Variants in CACYBP observed in about 807,000 individuals in gnomAD.
The protein encoded by CACYBP is calcyclin-binding protein.
CACYBP carries 11 observed loss-of-function variants against 29.6 expected under a neutral mutation model. The observed-to-expected ratio is 0.37, with a 90% CI of 0.23 to 0.61. The LOEUF (loss-of-function observed/expected upper bound fraction) is 0.61. Ranked by LOEUF, CACYBP falls within the 20% of genes least tolerant of loss-of-function variation. The pLI, the probability that CACYBP is intolerant of heterozygous loss-of-function variation, is 0.65. For synonymous variants in CACYBP, 73 were observed against 88.3 expected (o/e 0.83, Z 0.97); for missense variants, 163 against 260.7 (o/e 0.63, Z 2.58).
intron 5 of CACYBP, 96 bp from the exon 6 acceptor site, chr1:175,009,827 C>T: frequency 1.1e-6 from 1 of 903,316 alleles, no homozygotes; most frequent in African/African-American, 1.7e-5. Flanking sequence ...TGTCTTCCTT[C>T]TTATCCCTCT....
At chr1:175,009,747 T>C (rs1672703862) in intron 5 of CACYBP, among the ~76,000 whole-genome samples, 176 bp from the exon 6 acceptor site, 1 of 151,914 alleles carries the variant, frequency 6.6e-6, no homozygotes, top group Non-Finnish European at 1.5e-5. Flanking sequence ...GCATGCTTGA[T>C]ACGTGTGTGT....
chr1:175,004,542 A>G, intron 1 of CACYBP, 72 bp from the exon 2 acceptor site: 1 of 895,042 alleles, frequency 1.1e-6, no homozygotes, highest in Non-Finnish European at 1.7e-6. Context: ...AGTAAGTTGA[A>G]ATGAGTGATA....
In CACYBP at chr1:175,006,119, ATT is replaced by A. The variant is rs1672615141; in HGVS notation, c.236-624_236-623del. 3.9e-5 allele frequency among the ~76,000 whole-genome samples: 6 copies of A among 152,266 alleles called. No homozygotes were observed. In the South Asian group the frequency reaches 8.3e-4, roughly 21 times the overall value. ...CAAATGTGATGGTATTTTGTGAAGTATTTATATATATGTCTTTTATGTTGACA... is the reference window on the plus strand; with the variant it reads ...CAAATGTGATGGTATTTTGTGAAGTATATATATATGTCTTTTATGTTGACA... On this transcript the variant is annotated intron_variant, in intron 2 of 5. Transcript: ENST00000367679.
intron 5 of CACYBP, 59 bp from the exon 6 acceptor site, chr1:175,009,864 A>AT: frequency 7.3e-7 from 1 of 1,378,676 alleles, no homozygotes. Flanking sequence ...AACAACCTGA[A>AT]TGATAGTATC....
chr1:175,000,703 T>C, intron 1 of CACYBP: 1 of 678,302 alleles, frequency 1.5e-6, no homozygotes, highest in South Asian at 6.3e-5. Flanking sequence ...TGTGTCGCAG[T>C]AGCATCCATT....
chr1:175,009,106 T>TA (rs1672685478), intron 5 of CACYBP, among the ~76,000 whole-genome samples: 1 of 152,232 alleles, frequency 6.6e-6, no homozygotes, highest in Non-Finnish European at 1.5e-5. Flanking sequence ...TATTCAATGA[T>TA]ACTTGCGTTC....
intron 1 of CACYBP, 42 bp downstream of exon 1, chr1:175,000,237 A>G: frequency 2.5e-6 from 4 of 1,577,836 alleles, no homozygotes; most frequent in Non-Finnish European, 3.4e-6. Context: ...CCCCGGCTGG[A>G]GCTGCAGCGC....
In CACYBP at chr1:175,006,731, G is replaced by T. The variant is rs1302808125; in HGVS notation, c.236-14G>T. On this transcript the variant is annotated splice_polypyrimidine_tract_variant and intron_variant, in intron 2 of 5. Transcript: ENST00000367679. ...GAGGCTTACTTACGTCCCATCTTTT[G>T]TTGTCGTTGCCAGGATGGGATCAGT... 1 of 1,441,332 alleles carries T rather than the reference G, an allele frequency of 6.9e-7. No individual in the cohort carries two copies. Among genetic ancestry groups the T allele is most frequent in the Non-Finnish European group, 9.8e-7 (1 of 1,025,278 alleles). The allele number at this position is 1,441,332 out of a possible 1,614,324, so 89.3% of individuals were successfully genotyped here. A position where few individuals can be genotyped will look rare whatever the true frequency, so the allele number is the denominator to read the frequency against.
At position 175,010,108 on chromosome 1, in the gene CACYBP, T is replaced by C. The variant is rs1480287903; in HGVS notation, c.*29T>C. On this transcript the variant is annotated 3_prime_UTR_variant, in exon 6 of 6. Transcript: ENST00000367679. ...TTTAAAGTCGTTTTGGGAACTGTGA[T>C]GTGATGTGGAAATACTGATGTTTCC... 1.3e-6 allele frequency: 2 copies of C among 1,599,638 alleles called. No homozygotes were observed. Among genetic ancestry groups the C allele is most frequent in the Non-Finnish European group, 1.7e-6 (2 of 1,170,492 alleles).
chr1:175,000,185 C>T lies in CACYBP; in HGVS notation c.5C>T (p.Ala2Val). The T allele has an allele frequency of 6.2e-7, 1 of 1,608,704 alleles. No individual in the cohort carries two copies. Among genetic ancestry groups the T allele is most frequent in the Non-Finnish European group, 8.5e-7 (1 of 1,177,558 alleles). The change falls in exon 1 of 6, where the codon GCT (alanine) becomes GTT (valine). Residue 2 changes from alanine (A) to valine (V), a missense_variant. Ala to Val is a moderately conservative substitution (Grantham distance 64). Transcript: ENST00000367679. M[A>V]SEELQKDLEE... ...CTTCGGCCTGACCCAGCCCCCATGG[C>T]TTCAGAAGAGGTAAGTGGTCCGGCC... is the stretch of plus-strand genomic sequence containing the variant.
At chr1:175,003,933 C>T (rs1404624999) in intron 1 of CACYBP, among the ~76,000 whole-genome samples, 1 of 152,188 alleles carries the variant, frequency 6.6e-6, no homozygotes, top group Non-Finnish European at 1.5e-5. Context: ...AAGATAATTT[C>T]CAAGAGTATG....
At chr1:175,000,440 C>T (rs920871314) in intron 1 of CACYBP, 13 of 1,387,858 alleles carry the variant, frequency 9.4e-6, no homozygotes, top group Admixed American at 3.3e-5. Flanking sequence ...CGGCGATTAT[C>T]CGTGCAGGCG....
At chr1:175,007,983 C>G (rs757407071) in intron 4 of CACYBP, among the ~76,000 whole-genome samples, 2 of 152,116 alleles carry the variant, frequency 1.3e-5, no homozygotes, top group African/African-American at 4.8e-5. Flanking sequence ...ACAGGTGATA[C>G]TCAAATATAG....
intron 4 of CACYBP, among the ~76,000 whole-genome samples, chr1:175,007,593 T>C (rs1672649745): frequency 6.6e-6 from 1 of 152,226 alleles, no homozygotes; most frequent in African/African-American, 2.4e-5. Context: ...TTACAGCTTA[T>C]TGTTTGTGAC....
intron 4 of CACYBP, among the ~76,000 whole-genome samples, chr1:175,007,458 C>A (rs1290513492): frequency 6.6e-6 from 1 of 152,188 alleles, no homozygotes; most frequent in Non-Finnish European, 1.5e-5. Context: ...CTATGCGGCC[C>A]TCGACAGAGA....
rs1401342411 is a variant in CACYBP, at chr1:175,000,163, C to T, written c.-18C>T. 15 of 1,605,068 alleles carry T rather than the reference C, an allele frequency of 9.3e-6. No individual in the cohort carries two copies. In the Admixed American group the frequency reaches 1.2e-4, roughly 13 times the overall value. ...TCTGCGCGGCTGCAGCTCGGGACTT[C>T]GGCCTGACCCAGCCCCCATGGCTTC... On this transcript the variant is annotated 5_prime_UTR_variant, in exon 1 of 6. Transcript: ENST00000367679.
In CACYBP at chr1:175,000,175, GC is replaced by G; in HGVS notation, c.-1del. 2 of 1,607,920 alleles carry G rather than the reference GC, an allele frequency of 1.2e-6. No individual in the cohort carries two copies. The highest frequency in any genetic ancestry group is 1.7e-6 in the Non-Finnish European group (2 of 1,177,188). On this transcript the variant is annotated 5_prime_UTR_variant, in exon 1 of 6. Coordinates refer to ENST00000367679, the MANE Select transcript of CACYBP (RefSeq NM_014412.3). ...CAGCTCGGGACTTCGGCCTGACCCA[GC>G]CCCCATGGCTTCAGAAGAGGTAAGT...
At chr1:175,000,688 T>C in intron 1 of CACYBP, 1 of 843,986 alleles carries the variant, frequency 1.2e-6, no homozygotes, top group Non-Finnish European at 1.4e-6. Flanking sequence ...GTTGTTTAGC[T>C]TCTCTGTGTC....
intron 1 of CACYBP, chr1:175,000,678 G>C (rs1043832625): frequency 2.2e-6 from 2 of 903,424 alleles, no homozygotes; most frequent in African/African-American, 3.6e-5. Flanking sequence ...CTCTGGGCAA[G>C]TTGTTTAGCT....
Sources: gnomAD v4.1 joint callset for allele counts (sites outside exome capture counted in the v4.1 genomes callset) on GRCh38, gnomAD v4.1.1 for gene constraint, MANE v1.5 for transcripts, NCBI Gene and HGNC (gene_info 2026-07-23, HGNC 2026-07-21) for gene names.